ADCY8: variants seen among roughly 807,000 people sequenced by gnomAD.
ADCY8 encodes the protein adenylate cyclase type 8.
ADCY8 carries 51 observed loss-of-function variants against 119.7 expected under a neutral mutation model. The observed-to-expected ratio is 0.43, with a 90% CI of 0.34 to 0.54. ADCY8 has a LOEUF of 0.54. Ranked by LOEUF, ADCY8 falls within the 20% of genes least tolerant of loss-of-function variation. The pLI is 0.03. For synonymous variants in ADCY8, 665 were observed against 651.0 expected (o/e 1.02, Z -0.33); for missense variants, 1,383 against 1,598.8 (o/e 0.87, Z 2.30).
At chr8:131,019,437 A>G (rs540369016) in intron 1 of ADCY8, among the ~76,000 whole-genome samples, 1 of 152,290 alleles carries the variant, frequency 6.6e-6, no homozygotes, top group South Asian at 2.1e-4. Flanking sequence ...TCTTTGGGTC[A>G]TCTTCTCTTG....
chr8:131,026,054 T>C (rs1197626007), intron 1 of ADCY8, among the ~76,000 whole-genome samples: 1 of 152,224 alleles, frequency 6.6e-6, no homozygotes, highest in Non-Finnish European at 1.5e-5. Flanking sequence ...CATATGAGGC[T>C]AAATGAAAGC....
chr8:130,945,696 C>A (rs765059194), intron 3 of ADCY8, among the ~76,000 whole-genome samples: 1 of 152,194 alleles, frequency 6.6e-6, no homozygotes, highest in Admixed American at 6.5e-5. Flanking sequence ...AGAGAGGTAA[C>A]AGAGGTAGAA....
intron 15 of ADCY8, among the ~76,000 whole-genome samples, chr8:130,787,815 T>G (rs1815304310): frequency 6.6e-6 from 1 of 150,530 alleles, no homozygotes; most frequent in Non-Finnish European, 1.5e-5. Context: ...GTGTTGTTTA[T>G]GTGCATGTGC....
At chr8:130,908,746 C>T (rs1476381653) in intron 6 of ADCY8, among the ~76,000 whole-genome samples, 1 of 152,324 alleles carries the variant, frequency 6.6e-6, no homozygotes, top group East Asian at 1.9e-4. Context: ...CAAGTTCACA[C>T]TAAAATCACA....
chr8:130,801,316 G>A (rs1462221748), intron 14 of ADCY8, among the ~76,000 whole-genome samples: 3 of 151,866 alleles, frequency 2.0e-5, no homozygotes, highest in African/African-American at 7.3e-5. Context: ...ACATGGTGGT[G>A]GCTCTTGGTG....
intron 15 of ADCY8, among the ~76,000 whole-genome samples, chr8:130,798,043 T>G (rs1194404194): frequency 6.6e-6 from 1 of 152,316 alleles, no homozygotes; most frequent in South Asian, 2.1e-4. Flanking sequence ...ATTTTTAAAA[T>G]GAAGGCTAAT....
chr8:130,821,497 G>A, intron 12 of ADCY8, 77 bp from the exon 13 acceptor site: 3 of 1,114,418 alleles, frequency 2.7e-6, no homozygotes, highest in Middle Eastern at 4.5e-4. Flanking sequence ...GTTCAGAAAG[G>A]AGTGGTATAA....
chr8:130,908,968 A>T (rs1323724954), intron 6 of ADCY8, among the ~76,000 whole-genome samples: 1 of 148,722 alleles, frequency 6.7e-6, no homozygotes, highest in Non-Finnish European at 1.5e-5. Flanking sequence ...GGGTAGGAAA[A>T]GGAATATGTG....
intron 2 of ADCY8, among the ~76,000 whole-genome samples, chr8:130,959,389 T>C (rs1222947863): frequency 2.0e-5 from 3 of 152,226 alleles, no homozygotes; most frequent in South Asian, 2.1e-4. Context: ...TTCCTCATTA[T>C]TGAAAATTTA....
At chr8:130,907,737 T>C (rs916884505) in intron 6 of ADCY8, among the ~76,000 whole-genome samples, 1 of 152,224 alleles carries the variant, frequency 6.6e-6, no homozygotes, top group Admixed American at 6.5e-5. Context: ...TTTATTCGTT[T>C]CTTTCCTTTT....
At chr8:131,018,977 C>T (rs1263021898) in intron 1 of ADCY8, among the ~76,000 whole-genome samples, 3 of 152,192 alleles carry the variant, frequency 2.0e-5, no homozygotes, top group African/African-American at 7.2e-5. Flanking sequence ...CTGCCACCTC[C>T]ATGGTGAAGT....
intron 12 of ADCY8, 30 bp downstream of exon 12, chr8:130,836,247 C>A: frequency 6.3e-7 from 1 of 1,591,606 alleles, no homozygotes; most frequent in Non-Finnish European, 8.6e-7. Flanking sequence ...AAGTTGAGCA[C>A]ACTTTGGACT....
chr8:130,943,542 C>A, intron 3 of ADCY8, 80 bp from the exon 4 acceptor site: 2 of 820,902 alleles, frequency 2.4e-6, no homozygotes, highest in South Asian at 1.5e-5. Flanking sequence ...ACATCAACAC[C>A]ATCCCAGCAG....
Position 130,780,437 on chromosome 8 carries a change from CTG to C in ADCY8, c.3707_3708del (p.Thr1236ArgfsTer7), listed in dbSNP as rs781241256. Reference sequence around the variant, plus strand: ...GTGCCTTCAGCCTGGGCTCCAGGCTCTGTGCCGCTGGGTGACAACAAAGTCCG... The same window carrying C: ...GTGCCTTCAGCCTGGGCTCCAGGCTCTGCCGCTGGGTGACAACAAAGTCCG... ...NRRTLLSPSGTEPGAQAEGTD... is the reference protein window; with the variant it reads ...NRRTLLSPSGXEPGAQAEGTD... On this transcript the variant is annotated frameshift_variant, in exon 18 of 18. Coordinates refer to ENST00000286355, the MANE Select transcript of ADCY8 (RefSeq NM_001115.3). LOFTEE classifies it high-confidence loss of function. The C allele has an allele frequency of 6.2e-7, 1 of 1,612,250 alleles. No homozygotes were observed. Among genetic ancestry groups the C allele is most frequent in the Non-Finnish European group, 8.5e-7 (1 of 1,179,446 alleles).
At chr8:130,944,721 G>A (rs1821057934) in intron 3 of ADCY8, among the ~76,000 whole-genome samples, 1 of 152,192 alleles carries the variant, frequency 6.6e-6, no homozygotes, top group Admixed American at 6.5e-5. Flanking sequence ...GTCCATTCAT[G>A]AAATCATTAG....
chr8:130,889,546 C>G (rs569655141), intron 7 of ADCY8, among the ~76,000 whole-genome samples: 1 of 152,268 alleles, frequency 6.6e-6, no homozygotes, highest in East Asian at 1.9e-4. Flanking sequence ...TGCTTTTATT[C>G]AGAATTTCCA....
chr8:131,001,741 T>C (rs912107725), intron 1 of ADCY8, among the ~76,000 whole-genome samples: 2 of 151,902 alleles, frequency 1.3e-5, no homozygotes, highest in Non-Finnish European at 1.5e-5. Context: ...TAGTTTATGG[T>C]GTAATTTTTT....
intron 12 of ADCY8, among the ~76,000 whole-genome samples, chr8:130,826,914 G>A (rs1226142105): frequency 6.6e-6 from 1 of 151,928 alleles, no homozygotes; most frequent in Non-Finnish European, 1.5e-5. Context: ...AGGGCCTGTC[G>A]TGGGGTGGGG....
intron 2 of ADCY8, among the ~76,000 whole-genome samples, chr8:130,960,375 T>C (rs551804044): frequency 1.3e-5 from 2 of 152,260 alleles, no homozygotes; most frequent in South Asian, 4.2e-4. Context: ...GAACACTGGC[T>C]CTTGCTCAGC....
Sources: gnomAD v4.1 joint callset for allele counts (sites outside exome capture counted in the v4.1 genomes callset) on GRCh38, gnomAD v4.1.1 for gene constraint, MANE v1.5 for transcripts, NCBI Gene and HGNC (gene_info 2026-07-23, HGNC 2026-07-21) for gene names.